Variants in SLC12A8 observed in about 807,000 individuals in gnomAD.
SLC12A8 encodes solute carrier family 12 member 8.
A neutral mutation model predicts 75.6 loss-of-function variants in SLC12A8; 69 were observed. The observed-to-expected ratio is 0.91, with a 90% CI of 0.75 to 1.11. The LOEUF (loss-of-function observed/expected upper bound fraction) is 1.11. Ranked by LOEUF, SLC12A8 falls within the 50% of genes most tolerant of loss-of-function variation. The pLI, the probability that SLC12A8 is intolerant of heterozygous loss-of-function variation, is 0.00. For missense variants in SLC12A8, 877 were observed against 896.7 expected (o/e 0.98, Z 0.28); for synonymous variants, 365 against 372.8 (o/e 0.98, Z 0.24).
In SLC12A8 at chr3:125,083,195, T is replaced by G. The variant is rs1393777785; in HGVS notation, c.*695A>C. The G allele has an allele frequency of 6.6e-6, 1 of 152,192 alleles. No individual in the cohort carries two copies. Among genetic ancestry groups the G allele is most frequent in the Non-Finnish European group, 1.5e-5 (1 of 68,026 alleles). 9.4% of individuals were successfully genotyped at this position (152,192 alleles called of 1,614,324 possible). A position where few individuals can be genotyped will look rare whatever the true frequency, so the allele number is the denominator to read the frequency against. On this transcript the variant is annotated 3_prime_UTR_variant, in exon 14 of 14. Coordinates refer to ENST00000469902, the MANE Select transcript of SLC12A8 (RefSeq NM_024628.6). ...TGTGAGTGTATTATTTATTTTTGAA[T>G]AAATAATACAATAAAATATAAAACA...
chr3:125,206,170 G>T (rs1429156076), intron 2 of SLC12A8, among the ~76,000 whole-genome samples: 6 of 152,250 alleles, frequency 3.9e-5, no homozygotes, highest in African/African-American at 1.4e-4. Context: ...AAAAATAAAA[G>T]TCAGTTCTTA....
At chr3:125,158,019 G>A (rs1934087364) in intron 5 of SLC12A8, among the ~76,000 whole-genome samples, 1 of 152,106 alleles carries the variant, frequency 6.6e-6, no homozygotes, top group Non-Finnish European at 1.5e-5. Flanking sequence ...GAGATGAAGA[G>A]GCACATGAGC....
chr3:125,201,190 G>C (rs559629156), intron 2 of SLC12A8, among the ~76,000 whole-genome samples: 1 of 152,218 alleles, frequency 6.6e-6, no homozygotes, highest in Non-Finnish European at 1.5e-5. Flanking sequence ...CTTGAGGCCA[G>C]GCAAGGAGTT....
intron 5 of SLC12A8, among the ~76,000 whole-genome samples, chr3:125,160,085 G>A (rs1485236620): frequency 6.6e-6 from 1 of 152,222 alleles, no homozygotes; most frequent in Non-Finnish European, 1.5e-5. Flanking sequence ...TGAGACAACA[G>A]GTGTGCACCA....
rs375462886 is a variant in SLC12A8, at chr3:125,124,931, C to T, written c.737-4245G>A. Among the ~76,000 whole-genome samples, 6 of 152,182 alleles carry T rather than the reference C, an allele frequency of 3.9e-5. No homozygotes were observed. In the East Asian group the frequency reaches 7.7e-4, roughly 20 times the overall value. On this transcript the variant is annotated intron_variant, in intron 6 of 13. Coordinates refer to ENST00000469902, the MANE Select transcript of SLC12A8 (RefSeq NM_024628.6). ...AATACTATTTCCCAGAGCATTAGTGCCCAGGTGTTTTACAAATATTACATT... is the reference window on the plus strand; with the variant it reads ...AATACTATTTCCCAGAGCATTAGTGTCCAGGTGTTTTACAAATATTACATT...
At chr3:125,124,784 T>C (rs1406201875) in intron 6 of SLC12A8, among the ~76,000 whole-genome samples, 1 of 152,232 alleles carries the variant, frequency 6.6e-6, no homozygotes, top group Non-Finnish European at 1.5e-5. Flanking sequence ...ACTTAGTATT[T>C]TTTTCCTGTC....
At chr3:125,199,029 T>C (rs552226751) in intron 2 of SLC12A8, among the ~76,000 whole-genome samples, 123 of 152,144 alleles carry the variant, frequency 8.1e-4, no homozygotes, top group African/African-American at 2.4e-3. Flanking sequence ...CCACCCTCCT[T>C]GGCCTCCCAA....
chr3:125,092,760 C>T (rs1482040758), intron 10 of SLC12A8, among the ~76,000 whole-genome samples: 1 of 152,174 alleles, frequency 6.6e-6, no homozygotes, highest in Non-Finnish European at 1.5e-5. Flanking sequence ...TGGCAATAAA[C>T]AAATGCATGA....
intron 5 of SLC12A8, among the ~76,000 whole-genome samples, chr3:125,145,887 G>A (rs1250794624): frequency 6.6e-6 from 1 of 152,160 alleles, no homozygotes; most frequent in Non-Finnish European, 1.5e-5. Context: ...GAGTGCAGTG[G>A]CACGATCACG....
At chr3:125,110,447 A>G (rs2107744175) in intron 8 of SLC12A8, 112 bp from the exon 9 acceptor site, 1 of 1,033,794 alleles carries the variant, frequency 9.7e-7, no homozygotes, top group East Asian at 2.6e-5. Context: ...AGTCGTCTAG[A>G]TCTGATCCCT....
intron 10 of SLC12A8, among the ~76,000 whole-genome samples, chr3:125,106,895 A>G (rs1939041472): frequency 6.6e-6 from 1 of 152,248 alleles, no homozygotes; most frequent in Non-Finnish European, 1.5e-5. Context: ...GTTATATTAC[A>G]CGAAGTAATA....
At chr3:125,162,316 A>G (rs9836500) in intron 5 of SLC12A8, among the ~76,000 whole-genome samples, 20,282 of 152,188 alleles carry the variant, frequency 0.13, 2,979 homozygotes, top group African/African-American at 0.37. Context: ...ACTGAGATAG[A>G]TTCCAGTCCT....
rs576966361 is a variant in SLC12A8, at chr3:125,143,715, G to A, written c.623-7933C>T. Among the ~76,000 whole-genome samples, 198 of 152,344 alleles carry A rather than the reference G, an allele frequency of 1.3e-3. 1 individual carries two copies. The highest frequency in any genetic ancestry group is 2.4e-3 in the Non-Finnish European group (162 of 68,020). ...CATGGGGAGAGCCTCCACCCTGTGG[G>A]AGGACTGGCTGTTGTGAAACAGTGG... is the stretch of plus-strand genomic sequence containing the variant. On this transcript the variant is annotated intron_variant, in intron 5 of 13. Coordinates refer to ENST00000469902, the MANE Select transcript of SLC12A8 (RefSeq NM_024628.6).
intron 5 of SLC12A8, among the ~76,000 whole-genome samples, chr3:125,174,903 CA>C (rs1934486856): frequency 6.6e-6 from 1 of 152,170 alleles, no homozygotes; most frequent in East Asian, 1.9e-4. Flanking sequence ...TAACATTGTA[CA>C]TTGTCAAAAT....
At chr3:125,085,104 T>C (rs547288092) in intron 13 of SLC12A8, among the ~76,000 whole-genome samples, 1 of 152,356 alleles carries the variant, frequency 6.6e-6, no homozygotes, top group Admixed American at 6.5e-5. Context: ...GTTGAGAACA[T>C]GTATAAATCA....
intron 1 of SLC12A8, among the ~76,000 whole-genome samples, chr3:125,212,271 C>G (rs192241140): frequency 6.6e-6 from 1 of 152,104 alleles, no homozygotes; most frequent in Non-Finnish European, 1.5e-5. Flanking sequence ...ACTTGGTGGG[C>G]TGCAGTCCTG....
intron 10 of SLC12A8, among the ~76,000 whole-genome samples, chr3:125,098,443 G>A (rs976765208): frequency 2.0e-5 from 3 of 151,940 alleles, no homozygotes; most frequent in Admixed American, 1.3e-4. Flanking sequence ...CTAAGTCAGG[G>A]CAATTAAACA....
rs150661740 is a variant in SLC12A8, at chr3:125,099,211, AG to A, written c.1706-7014del. 2.2e-3 allele frequency among the ~76,000 whole-genome samples: 333 copies of A among 152,252 alleles called. 3 individuals carry two copies. In the East Asian group the frequency reaches 0.024, roughly 11 times the overall value. On this transcript the variant is annotated intron_variant, in intron 10 of 13. Coordinates refer to ENST00000469902, the MANE Select transcript of SLC12A8 (RefSeq NM_024628.6). ...CAGACACAGGGGGCAACTCCTAGGA[AG>A]CAAGGCTAAACACATAAGAATAAAA...
intron 6 of SLC12A8, chr3:125,123,546 G>A (rs1039168025): frequency 1.3e-5 from 2 of 152,204 alleles, no homozygotes; most frequent in African/African-American, 4.8e-5. Context: ...ACATGGCTGA[G>A]GAGGCATCAC....
Sources: gnomAD v4.1 joint callset for allele counts (sites outside exome capture counted in the v4.1 genomes callset) on GRCh38, gnomAD v4.1.1 for gene constraint, MANE v1.5 for transcripts, NCBI Gene and HGNC (gene_info 2026-07-23, HGNC 2026-07-21) for gene names.